Variants in SLK observed in about 807,000 individuals in gnomAD.
SLK encodes STE20 like kinase, also known as STE20-like serine/threonine-protein kinase.
Under a neutral mutation model 147.7 loss-of-function variants are expected in SLK, and 67 were observed. The ratio of observed to expected loss-of-function variants is 0.45; its 90% CI spans 0.37 to 0.56. SLK has a LOEUF of 0.56. Ranked by LOEUF, SLK falls within the 20% of genes least tolerant of loss-of-function variation. SLK has a pLI of 0.00. For missense variants in SLK, 1,136 were observed against 1,438.8 expected (o/e 0.79, Z 3.41); for synonymous variants, 441 against 475.0 (o/e 0.93, Z 0.93).
chr10:104,018,139 A>G (rs1198155116), intron 13 of SLK, 21 bp from the exon 14 acceptor site: 3 of 1,573,148 alleles, frequency 1.9e-6, no homozygotes, highest in East Asian at 2.3e-5. Flanking sequence ...TTATTAACTG[A>G]CAATTAACTG....
At chr10:103,996,925 C>T (rs1390043811) in intron 4 of SLK, among the ~76,000 whole-genome samples, 2 of 152,110 alleles carry the variant, frequency 1.3e-5, no homozygotes. Flanking sequence ...AAAATATATA[C>T]AACATAAAAT....
chr10:104,002,132 G>A, intron 8 of SLK, 40 bp from the exon 9 acceptor site: 1 of 1,500,572 alleles, frequency 6.7e-7, no homozygotes, highest in Non-Finnish European at 9.0e-7. Context: ...TCACTCTAAG[G>A]TCATGTTTTA....
At chr10:104,014,746 AATATG>A (rs1170349234) in intron 13 of SLK, among the ~76,000 whole-genome samples, 1 of 152,208 alleles carries the variant, frequency 6.6e-6, no homozygotes, top group African/African-American at 2.4e-5. Context: ...TTATCTGATT[AATATG>A]ATAAAATTGT....
rs147985366 is a variant in SLK at position 104,020,560 on chromosome 10, C to T, written c.3394C>T (p.Arg1132Ter). 4.3e-6 allele frequency: 7 copies of T among 1,613,452 alleles called. No individual in the cohort carries two copies. The highest frequency in any genetic ancestry group is 2.2e-5 in the East Asian group (1 of 44,854). ...AQHQKHENQMRDLQLQCEANV... is the reference protein window; with the variant it reads ...AQHQKHENQM ...GCATCAGAAACATGAGAATCAAATGCGAGATCTTCAGTTGCAGTGTGAAGC... is the reference window on the plus strand; with the variant it reads ...GCATCAGAAACATGAGAATCAAATGTGAGATCTTCAGTTGCAGTGTGAAGC... Residue 1132 changes from arginine to a stop codon, truncating the protein, a stop_gained, in exon 17 of 19, where the codon CGA becomes TGA. Coordinates refer to ENST00000369755, the MANE Select transcript of SLK (RefSeq NM_014720.4). LOFTEE classifies it high-confidence loss of function.
chr10:104,008,407 T>C (rs1844357825), intron 12 of SLK, 51 bp downstream of exon 12: 1 of 1,323,814 alleles, frequency 7.6e-7, no homozygotes, highest in Non-Finnish European at 1.0e-6. Flanking sequence ...TTTAAAAAAA[T>C]TGTTTTAAGA....
chr10:104,009,334 C>A (rs1844370083), intron 12 of SLK, among the ~76,000 whole-genome samples: 1 of 152,084 alleles, frequency 6.6e-6, no homozygotes, highest in Non-Finnish European at 1.5e-5. Context: ...TACCCAGATT[C>A]ATTGACTTTA....
intron 1 of SLK, among the ~76,000 whole-genome samples, chr10:103,989,853 T>C (rs1381847175): frequency 5.3e-5 from 8 of 152,132 alleles, no homozygotes; most frequent in African/African-American, 2.4e-5. Flanking sequence ...CCCAAATGAG[T>C]TGAAAAACAT....
In SLK at chr10:104,002,556, G is replaced by A. The variant is rs1844264454; in HGVS notation, c.1378G>A (p.Glu460Lys). The change falls in exon 9 of 19, where the codon GAA becomes AAA. Residue 460 changes from glutamate (E) to lysine (K), a missense_variant. By Grantham distance (56) the Glu-to-Lys change is moderately conservative. Coordinates refer to ENST00000369755, the MANE Select transcript of SLK (RefSeq NM_014720.4). ...AGAGAATAATATAATGATAACCTTA[G>A]AAACAAATATTGAACATAATCTAAA... ...GKENNIMITLETNIEHNLKSE... is the reference protein window; with the variant it reads ...GKENNIMITLKTNIEHNLKSE... 1.9e-6 allele frequency: 3 copies of A among 1,606,964 alleles called. No individual in the cohort carries two copies. The South Asian group carries it at 3.3e-5, about 18-fold the overall frequency.
At chr10:104,010,722 C>G in intron 12 of SLK, 94 bp from the exon 13 acceptor site, 1 of 732,184 alleles carries the variant, frequency 1.4e-6, no homozygotes, top group Non-Finnish European at 2.1e-6. Flanking sequence ...TTTTTAACAA[C>G]TTTAATATTT....
At chr10:104,001,083 A>T (rs1223171222) in intron 7 of SLK, among the ~76,000 whole-genome samples, 4 of 144,184 alleles carry the variant, frequency 2.8e-5, no homozygotes, top group Non-Finnish European at 6.2e-5. Context: ...AAAAAAAAAA[A>T]AAAGTAATAA....
At chr10:103,983,105 C>G (rs1843968418) in intron 1 of SLK, among the ~76,000 whole-genome samples, 2 of 152,144 alleles carry the variant, frequency 1.3e-5, no homozygotes, top group Non-Finnish European at 2.9e-5. Context: ...GTCGCTAATT[C>G]AGTGCTTGCA....
chr10:104,028,597 A>G lies in SLK; in HGVS notation c.*2877A>G, dbSNP rs1844627470. On this transcript the variant is annotated 3_prime_UTR_variant, in exon 19 of 19. Transcript: ENST00000369755. ...AATTACCAGAACCAGAGCTACCTCT[A>G]AGTCATACTTCCTCAAGCACAAAGC... The G allele has an allele frequency of 6.6e-6, 1 of 152,246 alleles. No individual in the cohort carries two copies. Among genetic ancestry groups the G allele is most frequent in the African/African-American group, 2.4e-5 (1 of 41,464 alleles). 9.4% of individuals were successfully genotyped at this position (152,246 alleles called of 1,614,324 possible). A position where few individuals can be genotyped will look rare whatever the true frequency, so the allele number is the denominator to read the frequency against.
chr10:104,013,340 G>A (rs1844422358), intron 13 of SLK, among the ~76,000 whole-genome samples: 1 of 152,210 alleles, frequency 6.6e-6, no homozygotes, highest in Admixed American at 6.5e-5. Flanking sequence ...CCCTGCTTCT[G>A]CTTCAACTCA....
At chr10:103,981,503 C>T (rs1843941645) in intron 1 of SLK, among the ~76,000 whole-genome samples, 1 of 151,974 alleles carries the variant, frequency 6.6e-6, no homozygotes, top group Admixed American at 6.6e-5. Context: ...TTCTTTGGTC[C>T]ATTTTGAGTT....
In SLK at chr10:104,019,759, A is replaced by G. The variant is rs545873370; in HGVS notation, c.3158A>G (p.Asn1053Ser). 7 of 1,614,140 alleles carry G rather than the reference A, an allele frequency of 4.3e-6. No homozygotes were observed. The highest frequency in any genetic ancestry group is 2.2e-5 in the East Asian group (1 of 44,892). Residue 1053 changes from asparagine to serine, a missense_variant, in exon 16 of 19, where the codon AAT becomes AGT. Asn to Ser is a conservative substitution (Grantham distance 46). Transcript: ENST00000369755. ...GAAACAGAGCAAATGCAGCGTTACAATCAAAGACTTATTGAGGAATTGAAA... is the reference window on the plus strand; with the variant it reads ...GAAACAGAGCAAATGCAGCGTTACAGTCAAAGACTTATTGAGGAATTGAAA... ...EKETEQMQRY[N>S]QRLIEELKNR...
chr10:103,970,829 C>G (rs1287282778), intron 1 of SLK, among the ~76,000 whole-genome samples: 1 of 152,106 alleles, frequency 6.6e-6, no homozygotes, highest in Non-Finnish European at 1.5e-5. Context: ...ATCCCATTTC[C>G]CAAATGCTTG....
chr10:103,997,573 G>A (rs1359061191), intron 4 of SLK, among the ~76,000 whole-genome samples: 1 of 146,506 alleles, frequency 6.8e-6, no homozygotes, highest in Non-Finnish European at 1.5e-5. Flanking sequence ...TTCTCCGCAT[G>A]CTTGTCAACA....
Position 103,967,750 on chromosome 10 carries a change from CCTT to C in SLK, c.10_12del (p.Phe4del), listed in dbSNP as rs779771559. On this transcript the variant is annotated inframe_deletion, in exon 1 of 19. Coordinates refer to ENST00000369755, the MANE Select transcript of SLK (RefSeq NM_014720.4). Reference sequence around the variant, plus strand: ...AACTCTGTGTTGGGAGGAAAAATGTCCTTCTTCAATTTCCGTAAGATCTTCAAG... The same window carrying C: ...AACTCTGTGTTGGGAGGAAAAATGTCCTTCAATTTCCGTAAGATCTTCAAG... 3.1e-6 allele frequency: 5 copies of C among 1,613,958 alleles called. No homozygotes were observed. The highest frequency in any genetic ancestry group is 1.1e-5 in the South Asian group (1 of 91,076).
intron 8 of SLK, 145 bp from the exon 9 acceptor site, chr10:104,002,027 T>C (rs538764304): frequency 1.0e-5 from 7 of 688,288 alleles, no homozygotes; most frequent in East Asian, 2.8e-5. Flanking sequence ...ATTTTTGTTA[T>C]ATTTCTTGTG....
Sources: allele counts gnomAD v4.1 joint callset (sites outside exome capture counted in the v4.1 genomes callset), GRCh38; gene constraint gnomAD v4.1.1; transcripts MANE v1.5; gene names NCBI Gene and HGNC (gene_info 2026-07-23, HGNC 2026-07-21).